Variants in HNRNPC observed in about 807,000 individuals in gnomAD.
The protein encoded by HNRNPC is heterogeneous nuclear ribonucleoprotein C, also known as heterogeneous nuclear ribonucleoproteins C1/C2.
A neutral mutation model predicts 33.2 loss-of-function variants in HNRNPC; 3 were observed. That is an observed-to-expected ratio of 0.09 (90% confidence interval 0.04 to 0.23). HNRNPC has a LOEUF of 0.23. Ranked by LOEUF, HNRNPC falls within the 10% of genes least tolerant of loss-of-function variation. HNRNPC has a pLI of 1.00. For missense variants in HNRNPC, 143 were observed against 366.7 expected, an observed-to-expected ratio of 0.39 and a Z score of 4.98; for synonymous variants, 121 against 126.7, an observed-to-expected ratio of 0.96 and a Z score of 0.30.
rs71419116 is a variant in HNRNPC, at chr14:21,251,260, C to CAAAA, written c.-37+12047_-37+12050dup. Among the ~76,000 whole-genome samples, 271 of 49,212 alleles carry CAAAA rather than the reference C, an allele frequency of 5.5e-3. 4 individuals are homozygous for CAAAA. Among genetic ancestry groups the CAAAA allele is most frequent in the African/African-American group, 0.01 (122 of 12,138 alleles). 32.3% of individuals were successfully genotyped at this position (49,212 alleles called of 152,430 possible). On this transcript the variant is annotated intron_variant, in intron 2 of 8. Coordinates refer to ENST00000553300, the MANE Select transcript of HNRNPC (RefSeq NM_004500.4). ...TGGACAACAGAGCAAGACTCCCTCT[C>CAAAA]AAAAAAAAAAAAAAAAAAAAAAAAG...
At chr14:21,234,361 A>G in intron 2 of HNRNPC, 132 bp from the exon 3 acceptor site, 1 of 684,668 alleles carries the variant, frequency 1.5e-6, no homozygotes, top group African/African-American at 1.8e-5. Context: ...GACTCACAGC[A>G]TTAAGTATGT....
chr14:21,237,071 T>G (rs756664032), intron 2 of HNRNPC, among the ~76,000 whole-genome samples: 5 of 152,194 alleles, frequency 3.3e-5, no homozygotes, highest in Non-Finnish European at 5.9e-5. Context: ...ACTTAGAAGT[T>G]TCACCTGCTC....
chr14:21,249,596 A>AAC (rs1409221152), intron 2 of HNRNPC, among the ~76,000 whole-genome samples: 22 of 116,586 alleles, frequency 1.9e-4, no homozygotes, highest in African/African-American at 4.7e-4. Flanking sequence ...TCAAAAACAA[A>AAC]AAAAAAAAAA....
At chr14:21,240,758 T>C (rs572291988) in intron 2 of HNRNPC, among the ~76,000 whole-genome samples, 167 of 152,332 alleles carry the variant, frequency 1.1e-3, no homozygotes, top group African/African-American at 3.8e-3. Context: ...ATGTTTCTAC[T>C]GGGCATTTAT....
At chr14:21,249,605 A>G (rs868728398) in intron 2 of HNRNPC, among the ~76,000 whole-genome samples, 1 of 150,930 alleles carries the variant, frequency 6.6e-6, no homozygotes, top group Non-Finnish European at 1.5e-5. Context: ...AAAAAAAAAA[A>G]AAAAAAAAAA....
At chr14:21,226,900 G>C (rs1169873456) in intron 5 of HNRNPC, among the ~76,000 whole-genome samples, 2 of 102,144 alleles carry the variant, frequency 2.0e-5, no homozygotes, top group African/African-American at 3.9e-5. Context: ...AAAAAAGGGG[G>C]GGGGGGGACA....
chr14:21,265,729 G>A (rs1878866069), intron 1 of HNRNPC, among the ~76,000 whole-genome samples: 1 of 152,222 alleles, frequency 6.6e-6, no homozygotes, highest in Non-Finnish European at 1.5e-5. Context: ...AGTGAGCTGA[G>A]ATGACACTAC....
chr14:21,246,134 T>A (rs985407496), intron 2 of HNRNPC, among the ~76,000 whole-genome samples: 4 of 152,116 alleles, frequency 2.6e-5, no homozygotes, highest in Non-Finnish European at 5.9e-5. Context: ...TGCTCCATTA[T>A]AATCTTAAGG....
At chr14:21,211,373 C>A in intron 8 of HNRNPC, 33 bp downstream of exon 8, 2 of 1,467,946 alleles carry the variant, frequency 1.4e-6, no homozygotes, top group Middle Eastern at 1.9e-4. Context: ...CCCCCCTCCA[C>A]CACCTTTTTC....
chr14:21,241,770 T>C (rs1440119737), intron 2 of HNRNPC, among the ~76,000 whole-genome samples: 1 of 152,188 alleles, frequency 6.6e-6, no homozygotes, highest in Admixed American at 6.5e-5. Flanking sequence ...AATCATTAGC[T>C]CATTTAATCA....
At chr14:21,257,298 G>A (rs899363045) in intron 2 of HNRNPC, among the ~76,000 whole-genome samples, 2 of 152,140 alleles carry the variant, frequency 1.3e-5, no homozygotes, top group Middle Eastern at 3.4e-3. Context: ...GAAAAGAGAA[G>A]TGGAAGGACT....
At chr14:21,223,110 C>G (rs7148026) in intron 5 of HNRNPC, among the ~76,000 whole-genome samples, 50,728 of 151,586 alleles carry the variant, frequency 0.33, 8,711 homozygotes, top group Admixed American at 0.38. Context: ...GGAAGCTGAG[C>G]CAGAAGAATC....
chr14:21,258,601 ATTAAG>A (rs143611354), intron 2 of HNRNPC, among the ~76,000 whole-genome samples: 2,785 of 152,336 alleles, frequency 0.018, 81 homozygotes, highest in African/African-American at 0.064. Context: ...TTTGATGATG[ATTAAG>A]TTAACACAAA....
At chr14:21,263,288 A>G (rs963947945) in intron 2 of HNRNPC, 23 bp downstream of exon 2, 2 of 151,898 alleles carry the variant, frequency 1.3e-5, no homozygotes, top group Admixed American at 1.3e-4. Context: ...GAAAAATGTT[A>G]AAAAAAAATT....
intron 2 of HNRNPC, among the ~76,000 whole-genome samples, chr14:21,239,614 C>G (rs546017761): frequency 2.0e-5 from 3 of 152,220 alleles, no homozygotes; most frequent in Non-Finnish European, 2.9e-5. Context: ...TGGCTCACAC[C>G]TGTAATCCCA....
chr14:21,216,115 A>G (rs4982427), intron 5 of HNRNPC, among the ~76,000 whole-genome samples: 1 of 96,570 alleles, frequency 1.0e-5, no homozygotes, highest in Non-Finnish European at 2.1e-5. Flanking sequence ...TGTCTCCTCC[A>G]CCACCAAAAA....
At chr14:21,219,733 C>A (rs913752127) in intron 5 of HNRNPC, among the ~76,000 whole-genome samples, 3 of 152,060 alleles carry the variant, frequency 2.0e-5, no homozygotes, top group Admixed American at 6.6e-5. Flanking sequence ...TCCAGTATTG[C>A]GGTTTTATAA....
chr14:21,264,136 G>A lies in HNRNPC; in HGVS notation c.-62-800C>T, dbSNP rs373103552. The A allele has an allele frequency of 7.2e-5, 11 of 152,200 alleles. No individual in the cohort carries two copies. The East Asian group carries it at 1.5e-3, about 21-fold the overall frequency. 9.4% of individuals were successfully genotyped at this position (152,200 alleles called of 1,614,324 possible). A position where few individuals can be genotyped will look rare whatever the true frequency, so the allele number is the denominator to read the frequency against. ...TGGGCAAAGAAAATACAGAAAAACC[G>A]GGCCAACAAATAGAGATGAAATAGT... On this transcript the variant is annotated intron_variant, in intron 1 of 8. Coordinates refer to ENST00000553300, the MANE Select transcript of HNRNPC (RefSeq NM_004500.4).
Position 21,234,225 on chromosome 14 carries a change from G to A in HNRNPC, c.-32C>T, listed in dbSNP as rs193127733. 1.7e-3 allele frequency: 2,687 copies of A among 1,606,442 alleles called. 5 individuals carry two copies. The highest frequency in any genetic ancestry group is 2.1e-3 in the Non-Finnish European group (2,458 of 1,176,108). On this transcript the variant is annotated 5_prime_UTR_variant, in exon 3 of 9. Transcript: ENST00000553300. ...TGATGGTAAGGTTTCTCACAAAGCC[G>A]AAAACTGTAAAGCAAAAAAAAGTAT...
Sources: gnomAD v4.1 joint callset for allele counts (sites outside exome capture counted in the v4.1 genomes callset) on GRCh38, gnomAD v4.1.1 for gene constraint, MANE v1.5 for transcripts, NCBI Gene and HGNC (gene_info 2026-07-23, HGNC 2026-07-21) for gene names.